The following IMMT variants were observed in gnomAD, a reference collection of about 807,000 sequenced individuals.
IMMT encodes the protein MICOS complex subunit MIC60.
Under a neutral mutation model 92.7 loss-of-function variants are expected in IMMT, and 40 were observed. The ratio of observed to expected loss-of-function variants is 0.43; its 90% CI spans 0.34 to 0.56. The LOEUF (loss-of-function observed/expected upper bound fraction) is 0.56, where lower values mean the gene tolerates loss of function less well. IMMT is among the 20% of genes least tolerant of loss of function. The pLI, the probability that IMMT is intolerant of heterozygous loss-of-function variation, is 0.03. For missense variants in IMMT, 831 were observed against 912.1 expected, an observed-to-expected ratio of 0.91 and a Z score of 1.14; for synonymous variants, 322 against 336.1, an observed-to-expected ratio of 0.96 and a Z score of 0.46.
chr2:86,170,771 T>C lies in IMMT; in HGVS notation c.633A>G (p.Lys211=). Residue 211 remains lysine, a synonymous_variant, in exon 6 of 15, where the codon AAA becomes AAG. Coordinates refer to ENST00000410111, the MANE Select transcript of IMMT (RefSeq NM_006839.3). ...TACACTCAATTTTAACTTGTTCTTG[T>C]TTTTCCTGTTGTGCAAGGCGAGCTG... ...EVAARLAQQE[K]QEQVKIESLA... is the part of the protein sequence containing the mutation. The C allele has an allele frequency of 6.3e-7, 1 of 1,583,122 alleles. No homozygotes were observed. Among genetic ancestry groups the C allele is most frequent in the Non-Finnish European group, 8.6e-7 (1 of 1,162,680 alleles).
intron 8 of IMMT, among the ~76,000 whole-genome samples, chr2:86,160,737 A>G (rs1676209960): frequency 1.3e-5 from 2 of 152,196 alleles, no homozygotes; most frequent in South Asian, 2.1e-4. Context: ...GTTTTAGCCA[A>G]CTTCCAGGAA....
chr2:86,190,856 G>T (rs1466259592), intron 1 of IMMT, among the ~76,000 whole-genome samples: 1 of 152,296 alleles, frequency 6.6e-6, no homozygotes, highest in East Asian at 1.9e-4. Context: ...GGGCACAGTG[G>T]CACGTGCCTG....
rs753491797 is a variant in IMMT, at chr2:86,146,154, C to T, written c.1577G>A (p.Arg526His). 18 of 1,609,188 alleles carry T rather than the reference C, an allele frequency of 1.1e-5. No homozygotes were observed. Among genetic ancestry groups the T allele is most frequent in the African/African-American group, 1.3e-5 (1 of 74,820 alleles). The change falls in exon 14 of 15, where the codon CGT becomes CAT. Residue 526 changes from arginine (R) to histidine (H), a missense_variant. Physicochemically the swap from Arg to His is conservative, Grantham distance 29. Coordinates refer to ENST00000410111, the MANE Select transcript of IMMT (RefSeq NM_006839.3). Reference protein sequence around the residue: ...KLSEQELQFRRLSQEQVDNFT... With the variant: ...KLSEQELQFRHLSQEQVDNFT... ...GTTGTCAACTTGCTCTTGACTGAGA[C>T]GACGAAATTGTAATTCTTGTTCAGA... is the stretch of plus-strand genomic sequence containing the variant.
chr2:86,157,376 T>C (rs926764898), intron 10 of IMMT, among the ~76,000 whole-genome samples: 5 of 152,202 alleles, frequency 3.3e-5, no homozygotes, highest in African/African-American at 9.7e-5. Context: ...CCTGCACTGG[T>C]ATTTATTACC....
rs1274069473 is a variant in IMMT, at chr2:86,195,255, A to C, written c.45+83T>G. 11 of 1,384,510 alleles carry C rather than the reference A, an allele frequency of 7.9e-6. No homozygotes were observed. The East Asian group carries it at 2.5e-4, about 31-fold the overall frequency. 85.8% of individuals were successfully genotyped at this position (1,384,510 alleles called of 1,614,324 possible). ...GAGGCTCGCCTTTGTCCTGGAGGCT[A>C]GGCAGCGACCAAGGCTCCCCCGTTT... On this transcript the variant is annotated intron_variant, in intron 1 of 14. Transcript: ENST00000410111.
intron 11 of IMMT, among the ~76,000 whole-genome samples, chr2:86,152,923 G>A (rs1347083727): frequency 6.6e-6 from 1 of 152,064 alleles, no homozygotes; most frequent in Non-Finnish European, 1.5e-5. Context: ...AAAGGGGCAA[G>A]AGATTTATTG....
chr2:86,146,599 G>C (rs755167101), intron 13 of IMMT, among the ~76,000 whole-genome samples: 15 of 152,040 alleles, frequency 9.9e-5, no homozygotes, highest in Non-Finnish European at 1.9e-4. Context: ...TCTTAACCTC[G>C]TGATCCGCCC....
At chr2:86,181,580 C>T (rs1333918110) in intron 1 of IMMT, among the ~76,000 whole-genome samples, 1 of 151,880 alleles carries the variant, frequency 6.6e-6, no homozygotes, top group Non-Finnish European at 1.5e-5. Flanking sequence ...CATAAAATTA[C>T]TTTTAATATT....
rs1184828349 is a variant in IMMT at position 86,147,732 on chromosome 2, T to C, written c.1503A>G (p.Gln501=). The C allele has an allele frequency of 2.5e-6, 4 of 1,613,758 alleles. No individual in the cohort carries two copies. The highest frequency in any genetic ancestry group is 3.4e-6 in the Non-Finnish European group (4 of 1,179,770). The change falls in exon 13 of 15, where the codon CAA becomes CAG. Residue 501 remains glutamine, a synonymous_variant. Coordinates refer to ENST00000410111, the MANE Select transcript of IMMT (RefSeq NM_006839.3). ...CAAATTCAGACTTCAATTCCTGTTC[T>C]TGTACCCTAAGGACATCTCGCAAGT... The part of the protein sequence containing the change: ...TDHLRDVLRV[Q]EQELKSEFEQ...
intron 3 of IMMT, among the ~76,000 whole-genome samples, chr2:86,179,014 T>A (rs1325248058): frequency 6.6e-6 from 1 of 152,184 alleles, no homozygotes; most frequent in Non-Finnish European, 1.5e-5. Flanking sequence ...TGAGGCGAGA[T>A]CATACCACTA....
intron 11 of IMMT, among the ~76,000 whole-genome samples, chr2:86,151,829 T>A (rs1431084701): frequency 6.6e-6 from 1 of 152,218 alleles, no homozygotes; most frequent in East Asian, 1.9e-4. Context: ...AAGACAAAAC[T>A]TATATATACA....
intron 6 of IMMT, 35 bp downstream of exon 6, chr2:86,170,714 C>T: frequency 7.0e-7 from 1 of 1,421,474 alleles, no homozygotes; most frequent in Middle Eastern, 1.7e-4. Context: ...TGGGAGATGA[C>T]CCAAAATCCT....
At position 86,184,963 on chromosome 2, in the gene IMMT, C is replaced by T. The variant is rs1238823317; in HGVS notation, c.46-3591G>A. 2.0e-5 allele frequency among the ~76,000 whole-genome samples: 3 copies of T among 152,136 alleles called. No homozygotes were observed. In the South Asian group the frequency reaches 6.2e-4, roughly 32 times the overall value. ...CAGCACTTTGGGAGGCCGAAGCGGGCGGATCACAAGGTCAGGAGATTGAGA... is the reference window on the plus strand; with the variant it reads ...CAGCACTTTGGGAGGCCGAAGCGGGTGGATCACAAGGTCAGGAGATTGAGA... On this transcript the variant is annotated intron_variant, in intron 1 of 14. Transcript: ENST00000410111.
chr2:86,161,514 T>C (rs1573902150), intron 8 of IMMT, among the ~76,000 whole-genome samples: 1 of 63,270 alleles, frequency 1.6e-5, no homozygotes, highest in East Asian at 2.8e-4. Flanking sequence ...ACAAATTCCT[T>C]TTTTTTTTTT....
Position 86,179,461 on chromosome 2 carries a change from G to A in IMMT, c.281C>T (p.Ala94Val). The change falls in exon 3 of 15, where the codon GCT (alanine) becomes GTT (valine). Residue 94 changes from alanine (A) to valine (V), a missense_variant. Coordinates refer to ENST00000410111, the MANE Select transcript of IMMT (RefSeq NM_006839.3). ...TTTCTTTGGCAATGGAACATTATAA[G>A]CTGCAGGACCAAGAACCATCTCGAA... ...KLFEMVLGPA[A>V]YNVPLPKKSI... 1 of 1,603,504 alleles carries A rather than the reference G, an allele frequency of 6.2e-7. No homozygotes were observed. The highest frequency in any genetic ancestry group is 2.2e-5 in the East Asian group (1 of 44,622).
chr2:86,169,118 A>C (rs528959612), intron 6 of IMMT, among the ~76,000 whole-genome samples: 1 of 152,352 alleles, frequency 6.6e-6, no homozygotes, highest in Admixed American at 6.5e-5. Context: ...GTGACAGATA[A>C]AATTCTGAAA....
intron 12 of IMMT, among the ~76,000 whole-genome samples, chr2:86,148,181 A>G (rs1378177224): frequency 1.3e-5 from 2 of 152,262 alleles, no homozygotes; most frequent in Non-Finnish European, 2.9e-5. Flanking sequence ...AGGATATGAA[A>G]AAAAGTAACT....
chr2:86,145,013 C>T (rs547885914), intron 14 of IMMT, 132 bp from the exon 15 acceptor site: 3 of 1,004,860 alleles, frequency 3.0e-6, no homozygotes, highest in Admixed American at 2.9e-5. Flanking sequence ...TTCTTACAAC[C>T]CCACCCCCAC....
chr2:86,165,675 T>C (rs1464440977), intron 7 of IMMT, among the ~76,000 whole-genome samples: 1 of 152,210 alleles, frequency 6.6e-6, no homozygotes, highest in Non-Finnish European at 1.5e-5. Flanking sequence ...TTAATGTAAT[T>C]ATAAAATAAT....
Sources: allele counts gnomAD v4.1 joint callset (sites outside exome capture counted in the v4.1 genomes callset), GRCh38; gene constraint gnomAD v4.1.1; transcripts MANE v1.5; gene names NCBI Gene and HGNC (gene_info 2026-07-23, HGNC 2026-07-21).